PLB1: variants seen among roughly 807,000 people sequenced by gnomAD.
PLB1 encodes the protein phospholipase B1.
PLB1 carries 242 observed loss-of-function variants against 227.4 expected under a neutral mutation model. The ratio of observed to expected loss-of-function variants is 1.06; its 90% CI spans 0.96 to 1.18. PLB1 has a LOEUF of 1.18. Among genes scored for constraint, PLB1 ranks in the 50% most tolerant of loss-of-function variants. PLB1 has a pLI of 0.00. For missense variants in PLB1, 1,858 were observed against 1,816.3 expected, an observed-to-expected ratio of 1.02 and a Z score of -0.42; for synonymous variants, 757 against 682.2, an observed-to-expected ratio of 1.11 and a Z score of -1.71.
In PLB1 at chr2:28,559,385, G is replaced by A. The variant is rs376609140; in HGVS notation, c.1148-3656G>A. Among the ~76,000 whole-genome samples, 12 of 152,332 alleles carry A rather than the reference G, an allele frequency of 7.9e-5. 1 individual carries two copies. The highest frequency in any genetic ancestry group is 2.9e-4 in the African/African-American group (12 of 41,586). Reference sequence around the variant, plus strand: ...CCGATGCAGGCTCAATTGGAGGACCGCTGCTCTATATGTTTTGCACACATA... The same window carrying A: ...CCGATGCAGGCTCAATTGGAGGACCACTGCTCTATATGTTTTGCACACATA... On this transcript the variant is annotated intron_variant, in intron 17 of 57. Coordinates refer to ENST00000327757, the MANE Select transcript of PLB1 (RefSeq NM_153021.5).
At chr2:28,553,085 G>A in intron 17 of PLB1, 94 bp downstream of exon 17, 2 of 1,046,510 alleles carry the variant, frequency 1.9e-6, no homozygotes, top group Non-Finnish European at 3.0e-6. Flanking sequence ...ACTCCCGAGT[G>A]GTTTCTCAGG....
At chr2:28,519,480 T>C (rs1223830309) in intron 3 of PLB1, among the ~76,000 whole-genome samples, 1 of 152,162 alleles carries the variant, frequency 6.6e-6, no homozygotes, top group Non-Finnish European at 1.5e-5. Flanking sequence ...TCAAGTCCAG[T>C]TAACAGTGTG....
At chr2:28,545,227 C>A (rs1673060387) in intron 14 of PLB1, among the ~76,000 whole-genome samples, 1 of 138,730 alleles carries the variant, frequency 7.2e-6, no homozygotes, top group African/African-American at 2.6e-5. Flanking sequence ...ACTCTCTCCA[C>A]ACCCATACAA....
At chr2:28,578,016 C>T in intron 21 of PLB1, 91 bp from the exon 22 acceptor site, 2 of 1,314,860 alleles carry the variant, frequency 1.5e-6, no homozygotes, top group Non-Finnish European at 2.2e-6. Flanking sequence ...CCTGGGCCTT[C>T]CTCCACCATA....
At position 28,614,060 on chromosome 2, in the gene PLB1, T is replaced by C. The variant is rs2148318233; in HGVS notation, c.3159T>C (p.Asn1053=). The C allele has an allele frequency of 6.2e-7, 1 of 1,613,258 alleles. No individual in the cohort carries two copies. Among genetic ancestry groups the C allele is most frequent in the Non-Finnish European group, 8.5e-7 (1 of 1,179,280 alleles). Residue 1053 remains asparagine, a synonymous_variant, in exon 44 of 58, where the codon AAT becomes AAC. Transcript: ENST00000327757. ...QNEPFLRTPR[N]SNYTYPIKPA... The stretch of plus-strand genomic sequence containing the variant: ...AGCCCTTCCTGAGAACCCCTCGGAA[T>C]AGTAACTACACGTACCCCATCAAGC...
At chr2:28,605,074 C>T (rs988285904) in intron 41 of PLB1, among the ~76,000 whole-genome samples, 1 of 152,198 alleles carries the variant, frequency 6.6e-6, no homozygotes, top group Non-Finnish European at 1.5e-5. Context: ...AGATGTGAAG[C>T]GTCCTTCCTA....
intron 37 of PLB1, 146 bp downstream of exon 37, chr2:28,601,478 C>CAT: frequency 1.5e-6 from 1 of 650,924 alleles, no homozygotes; most frequent in South Asian, 1.8e-5. Flanking sequence ...ACCACACACA[C>CAT]ACACACACAC....
At chr2:28,516,959 G>GT in intron 2 of PLB1, 90 bp downstream of exon 2, 1 of 1,305,028 alleles carries the variant, frequency 7.7e-7, no homozygotes, top group Non-Finnish European at 1.1e-6. Flanking sequence ...TTTGGTGCAA[G>GT]TTGACAGGCC....
At chr2:28,536,666 A>G (rs1572825298) in intron 9 of PLB1, among the ~76,000 whole-genome samples, 1 of 152,222 alleles carries the variant, frequency 6.6e-6, no homozygotes, top group African/African-American at 2.4e-5. Context: ...CCAGGGGGCA[A>G]ACGATACACA....
chr2:28,577,241 C>T (rs1573100227), intron 21 of PLB1, among the ~76,000 whole-genome samples: 1 of 152,316 alleles, frequency 6.6e-6, no homozygotes, highest in East Asian at 1.9e-4. Context: ...AGCAGTGGTT[C>T]CCATCTACTG....
intron 9 of PLB1, among the ~76,000 whole-genome samples, chr2:28,536,561 A>G (rs933815120): frequency 6.6e-6 from 1 of 152,216 alleles, no homozygotes; most frequent in Non-Finnish European, 1.5e-5. Flanking sequence ...ACTGAATAAT[A>G]TCCCATTCCT....
intron 16 of PLB1, among the ~76,000 whole-genome samples, chr2:28,550,782 C>T: frequency 6.6e-6 from 1 of 151,702 alleles, no homozygotes; most frequent in African/African-American, 2.4e-5. Context: ...CCTCATGGTC[C>T]ACCCAACTCA....
intron 18 of PLB1, among the ~76,000 whole-genome samples, chr2:28,563,322 C>T (rs999569635): frequency 2.0e-5 from 3 of 152,080 alleles, no homozygotes; most frequent in African/African-American, 7.2e-5. Flanking sequence ...CTTCCTCCCC[C>T]AATGCTGAGA....
chr2:28,523,332 G>A (rs926743459), intron 4 of PLB1, among the ~76,000 whole-genome samples: 4 of 146,036 alleles, frequency 2.7e-5, no homozygotes, highest in South Asian at 2.1e-4. Flanking sequence ...TCTTATCTGC[G>A]AGGTTTTTTT....
rs1233099253 is a variant in PLB1 at position 28,625,072 on chromosome 2, G to A, written c.3543G>A (p.Gln1181=). 2 of 1,613,736 alleles carry A rather than the reference G, an allele frequency of 1.2e-6. No homozygotes were observed. ...EGARARDMPA[Q]AWDLVERMKN... is the part of the protein sequence containing the mutation. ...CCCCACCTAGGGACATGCCAGCCCA[G>A]GCCTGGGACCTGGTAGAGCGAATGA... The change falls in exon 50 of 58, where the codon CAG becomes CAA. Residue 1181 remains glutamine (Q), a synonymous_variant. Transcript: ENST00000327757.
At chr2:28,562,722 G>C (rs978068968) in intron 17 of PLB1, among the ~76,000 whole-genome samples, 2 of 151,802 alleles carry the variant, frequency 1.3e-5, no homozygotes, top group Non-Finnish European at 2.9e-5. Flanking sequence ...CTTGCCAAGG[G>C]CCTGCCACCA....
chr2:28,579,466 C>T (rs921520847), intron 22 of PLB1, among the ~76,000 whole-genome samples, 161 bp from the exon 23 acceptor site: 24 of 152,108 alleles, frequency 1.6e-4, no homozygotes, highest in African/African-American at 5.8e-4. Flanking sequence ...CATTTAGCAC[C>T]TATGATCTCA....
Position 28,629,151 on chromosome 2 carries a change from GGCCAAGGCGGGAAATGT to G in PLB1, c.3789_3805del (p.Gln1263HisfsTer47). On this transcript the variant is annotated frameshift_variant, in exon 53 of 58. Transcript: ENST00000327757. LOFTEE classifies it high-confidence loss of function. Reference sequence around the variant, plus strand: ...CATGGAGCTGGCTAGCCTGTACCAGGGCCAAGGCGGGAAATGTGCCATGCTGGCAGCTCAGTAAGTGG... The same window carrying G: ...CATGGAGCTGGCTAGCCTGTACCAGGGCCATGCTGGCAGCTCAGTAAGTGG... The G allele has an allele frequency of 6.2e-7, 1 of 1,613,842 alleles. No homozygotes were observed. The highest frequency in any genetic ancestry group is 8.5e-7 in the Non-Finnish European group (1 of 1,179,918).
intron 31 of PLB1, 25 bp downstream of exon 31, chr2:28,591,785 A>G: frequency 6.2e-7 from 1 of 1,611,512 alleles, no homozygotes; most frequent in Non-Finnish European, 8.5e-7. Flanking sequence ...GCACAGCAGG[A>G]CCCAGGGCCC....
Sources: gnomAD v4.1 joint callset for allele counts (sites outside exome capture counted in the v4.1 genomes callset) on GRCh38, gnomAD v4.1.1 for gene constraint, MANE v1.5 for transcripts, NCBI Gene and HGNC (gene_info 2026-07-23, HGNC 2026-07-21) for gene names.